CLSTN1: variants seen among roughly 807,000 people sequenced by gnomAD.
CLSTN1 encodes calsyntenin-1.
In CLSTN1, 28 loss-of-function variants were observed where a neutral mutation model predicts 108.3. That is an observed-to-expected ratio of 0.26 (90% CI 0.19 to 0.35). The LOEUF is 0.35. CLSTN1 is among the 10% of genes least tolerant of loss of function. CLSTN1 has a pLI of 1.00. For synonymous variants in CLSTN1, 524 were observed against 534.9 expected, an observed-to-expected ratio of 0.98 and a Z score of 0.28; for missense variants, 1,157 against 1,302.6, an observed-to-expected ratio of 0.89 and a Z score of 1.72.
At chr1:9,787,803 T>C (rs1210575788) in intron 1 of CLSTN1, among the ~76,000 whole-genome samples, 1 of 151,336 alleles carries the variant, frequency 6.6e-6, no homozygotes, top group African/African-American at 2.4e-5. Context: ...ATTAAGTACA[T>C]TCACACTGTC....
intron 1 of CLSTN1, among the ~76,000 whole-genome samples, chr1:9,813,675 A>G (rs964084883): frequency 6.6e-6 from 1 of 152,190 alleles, no homozygotes; most frequent in Admixed American, 6.6e-5. Context: ...TGCATTTCAG[A>G]TGGAATTCAT....
At chr1:9,807,885 G>C (rs1316973903) in intron 1 of CLSTN1, among the ~76,000 whole-genome samples, 1 of 152,220 alleles carries the variant, frequency 6.6e-6, no homozygotes, top group Non-Finnish European at 1.5e-5. Context: ...AGGACCCCAG[G>C]AACTAGGCTT....
Position 9,735,634 on chromosome 1 carries a change from C to T in CLSTN1, c.1735-19G>A, listed in dbSNP as rs758945881. ...CTTGGATCTGAAATCACACCAGCCA[C>T]AGAGAGGAGAAGAATAAGCCAGTAA... On this transcript the variant is annotated intron_variant, in intron 12 of 18. Coordinates refer to ENST00000377298, the MANE Select transcript of CLSTN1 (RefSeq NM_001009566.3). 6.2e-7 allele frequency: 1 copy of T among 1,613,944 alleles called. No individual in the cohort carries two copies. The highest frequency in any genetic ancestry group is 1.1e-5 in the South Asian group (1 of 91,078).
At chr1:9,776,375 G>C (rs2101171429) in intron 1 of CLSTN1, among the ~76,000 whole-genome samples, 1 of 152,194 alleles carries the variant, frequency 6.6e-6, no homozygotes, top group Non-Finnish European at 1.5e-5. Flanking sequence ...CCAGACCCCG[G>C]GGAGTTGTTG....
intron 5 of CLSTN1, among the ~76,000 whole-genome samples, chr1:9,751,014 G>GA (rs1651532638): frequency 6.6e-6 from 1 of 151,954 alleles, no homozygotes; most frequent in Non-Finnish European, 1.5e-5. Context: ...GCAGTGAGCT[G>GA]AGATCGCACC....
intron 11 of CLSTN1, 80 bp downstream of exon 11, chr1:9,737,418 G>A (rs1048102213): frequency 3.8e-5 from 51 of 1,344,506 alleles, no homozygotes; most frequent in South Asian, 1.3e-4. Flanking sequence ...CAACTGGGGC[G>A]TTTCATGCGA....
At chr1:9,731,473 T>A in intron 17 of CLSTN1, 83 bp from the exon 18 acceptor site, 1 of 1,432,094 alleles carries the variant, frequency 7.0e-7, no homozygotes, top group Non-Finnish European at 9.7e-7. Flanking sequence ...CTGTGCCTGG[T>A]CAAAACGGGC....
At chr1:9,818,369 G>A (rs1229447979) in intron 1 of CLSTN1, among the ~76,000 whole-genome samples, 10 of 150,198 alleles carry the variant, frequency 6.7e-5, no homozygotes, top group Admixed American at 2.7e-4. Flanking sequence ...TCACTCTGTC[G>A]CCAGGCTGGA....
chr1:9,733,746 C>T (rs1246967254), intron 15 of CLSTN1, among the ~76,000 whole-genome samples, 200 bp from the exon 16 acceptor site: 3 of 152,208 alleles, frequency 2.0e-5, no homozygotes, highest in Non-Finnish European at 2.9e-5. Context: ...CGTGTCATCC[C>T]ACGCCTCAAC....
In CLSTN1 at chr1:9,731,370, C is replaced by G. The variant is rs371099358; in HGVS notation, c.2584G>C (p.Val862Leu). 5 of 1,614,090 alleles carry G rather than the reference C, an allele frequency of 3.1e-6. No homozygotes were observed. Among genetic ancestry groups the G allele is most frequent in the Non-Finnish European group, 4.2e-6 (5 of 1,180,042 alleles). Residue 862 changes from valine (V) to leucine (L), a missense_variant, in exon 18 of 19, where the codon GTT (valine) becomes CTT (leucine). By Grantham distance (32) the Val-to-Leu change is conservative. Transcript: ENST00000377298. ...PFAVVPSTATVVIVVCVSFLV... is the reference protein window; with the variant it reads ...PFAVVPSTATLVIVVCVSFLV... ...AAGCTGACGCACACCACGATCACAA[C>G]TGTCGCAGTGCTGGGGACGACTGTG... is the stretch of plus-strand genomic sequence containing the variant.
At chr1:9,756,534 A>G (rs775032166) in intron 2 of CLSTN1, 24 bp from the exon 3 acceptor site, 2 of 1,605,774 alleles carry the variant, frequency 1.2e-6, no homozygotes, top group Non-Finnish European at 1.7e-6. Flanking sequence ...AGATAAGCCC[A>G]TGTCAGTAAT....
intron 1 of CLSTN1, among the ~76,000 whole-genome samples, chr1:9,816,836 G>A (rs1654993305): frequency 6.6e-6 from 1 of 152,130 alleles, no homozygotes; most frequent in Non-Finnish European, 1.5e-5. Context: ...TAGTAGAGAT[G>A]GGGTTTCTCC....
rs1650203974 is a variant in CLSTN1, at chr1:9,729,387, T to C, written c.*1121A>G. 1 of 152,610 alleles carries C rather than the reference T, an allele frequency of 6.6e-6. No individual in the cohort carries two copies. The highest frequency in any genetic ancestry group is 2.1e-4 in the South Asian group (1 of 4,828). The allele number at this position is 152,610 out of a possible 1,614,324, so 9.5% of individuals were successfully genotyped here. ...CCACCAAGCAAAGCAGCAGGGCTCC[T>C]GGGGGAGAGGGATTTCAACCCCCCT... On this transcript the variant is annotated 3_prime_UTR_variant, in exon 19 of 19. Coordinates refer to ENST00000377298, the MANE Select transcript of CLSTN1 (RefSeq NM_001009566.3).
intron 2 of CLSTN1, among the ~76,000 whole-genome samples, chr1:9,768,362 AT>A (rs1652461127): frequency 9.7e-5 from 2 of 20,578 alleles, no homozygotes; most frequent in Non-Finnish European, 1.9e-4. Flanking sequence ...TGGGGGCGGG[AT>A]TCTGTGTTGG....
chr1:9,779,719 AT>A (rs376298582), intron 1 of CLSTN1, among the ~76,000 whole-genome samples: 39 of 152,292 alleles, frequency 2.6e-4, no homozygotes, highest in African/African-American at 8.9e-4. Context: ...GAGCTACAAC[AT>A]CCAGCTCAGG....
At chr1:9,740,827 T>C (rs1439579314) in intron 10 of CLSTN1, among the ~76,000 whole-genome samples, 1 of 152,296 alleles carries the variant, frequency 6.6e-6, no homozygotes, top group East Asian at 1.9e-4. Context: ...ACACGCTCCC[T>C]CTGTGGAACG....
chr1:9,789,916 C>A (rs574494908), intron 1 of CLSTN1, among the ~76,000 whole-genome samples: 1 of 151,316 alleles, frequency 6.6e-6, no homozygotes, highest in African/African-American at 2.4e-5. Flanking sequence ...CTGGTAGAGG[C>A]TGCAATGAGT....
At chr1:9,794,592 AACC>A (rs1030034463) in intron 1 of CLSTN1, among the ~76,000 whole-genome samples, 5 of 151,510 alleles carry the variant, frequency 3.3e-5, no homozygotes, top group African/African-American at 1.2e-4. Flanking sequence ...TACAGGCATG[AACC>A]ACCACGTCTG....
At chr1:9,807,682 G>A (rs1243278892) in intron 1 of CLSTN1, among the ~76,000 whole-genome samples, 2 of 152,184 alleles carry the variant, frequency 1.3e-5, no homozygotes, top group Non-Finnish European at 2.9e-5. Flanking sequence ...AGAGGCGGCT[G>A]CTTGCAGAGG....
Sources: allele counts gnomAD v4.1 joint callset (sites outside exome capture counted in the v4.1 genomes callset), GRCh38; gene constraint gnomAD v4.1.1; transcripts MANE v1.5; gene names NCBI Gene and HGNC (gene_info 2026-07-23, HGNC 2026-07-21).